ATP6V1G3: variants seen among roughly 807,000 people sequenced by gnomAD.
The protein encoded by ATP6V1G3 is V-type proton ATPase subunit G 3.
A neutral mutation model predicts 9.3 loss-of-function variants in ATP6V1G3; 9 were observed. The ratio of observed to expected loss-of-function variants is 0.97; its 90% confidence interval spans 0.59 to 1.69. The LOEUF is 1.69. ATP6V1G3 is among the 40% of genes most tolerant of loss of function. The pLI, the probability that ATP6V1G3 is intolerant of heterozygous loss-of-function variation, is 0.00. For synonymous variants in ATP6V1G3, 43 were observed against 43.8 expected (o/e 0.98, Z 0.07); for missense variants, 133 against 139.0 (o/e 0.96, Z 0.22).
chr1:198,529,253 A>G (rs1170081328), intron 1 of ATP6V1G3, 72 bp from the exon 2 acceptor site: 1 of 345,400 alleles, frequency 2.9e-6, no homozygotes, highest in Non-Finnish European at 4.4e-6. Context: ...TATTATATAT[A>G]TCTCAACAAG....
At chr1:198,523,792 C>G (rs894518181) in intron 2 of ATP6V1G3, among the ~76,000 whole-genome samples, 1 of 152,186 alleles carries the variant, frequency 6.6e-6, no homozygotes, top group Non-Finnish European at 1.5e-5. Flanking sequence ...TAACCAACCT[C>G]CACATGGTAC....
intron 1 of ATP6V1G3, among the ~76,000 whole-genome samples, chr1:198,533,757 A>C (rs1273731895): frequency 6.6e-6 from 1 of 152,156 alleles, no homozygotes; most frequent in African/African-American, 2.4e-5. Context: ...TAACCAAGAG[A>C]ACAGGTCCAA....
chr1:198,536,635 T>C (rs761866119), intron 1 of ATP6V1G3: 1 of 1,490,614 alleles, frequency 6.7e-7, no homozygotes, highest in Non-Finnish European at 9.3e-7. Context: ...TAACCTGTAA[T>C]CAGTGAATAC....
intron 1 of ATP6V1G3, among the ~76,000 whole-genome samples, chr1:198,530,822 C>CATTTT (rs1558178814): frequency 6.6e-6 from 1 of 152,018 alleles, no homozygotes; most frequent in Non-Finnish European, 1.5e-5. Context: ...TTTCTTCTAT[C>CATTTT]TGTTTGTCAT....
intron 1 of ATP6V1G3, among the ~76,000 whole-genome samples, chr1:198,540,045 C>A (rs2103148424): frequency 1.3e-5 from 2 of 151,678 alleles, no homozygotes; most frequent in Middle Eastern, 6.8e-3. Context: ...ATAGTGAGAC[C>A]CTCATCTCTT....
intron 2 of ATP6V1G3, among the ~76,000 whole-genome samples, chr1:198,525,118 A>G (rs1175486637): frequency 6.6e-6 from 1 of 152,236 alleles, no homozygotes; most frequent in Non-Finnish European, 1.5e-5. Flanking sequence ...TACAAGAAGC[A>G]GAAACATATG....
intron 1 of ATP6V1G3, among the ~76,000 whole-genome samples, chr1:198,530,230 A>G (rs1408907687): frequency 6.6e-6 from 1 of 152,072 alleles, no homozygotes; most frequent in Non-Finnish European, 1.5e-5. Context: ...AGTATTGTTT[A>G]CAATTTCTGT....
At chr1:198,523,672 C>T in intron 2 of ATP6V1G3, 108 bp from the exon 3 acceptor site, 1 of 1,018,748 alleles carries the variant, frequency 9.8e-7, no homozygotes, top group Non-Finnish European at 1.4e-6. Context: ...CAATTATGTA[C>T]TCCTTTTCTA....
intron 2 of ATP6V1G3, among the ~76,000 whole-genome samples, chr1:198,525,195 C>T (rs960309312): frequency 1.3e-5 from 2 of 152,096 alleles, no homozygotes; most frequent in Non-Finnish European, 2.9e-5. Flanking sequence ...AATGGCTCTA[C>T]CAAGCTCAAA....
intron 1 of ATP6V1G3, among the ~76,000 whole-genome samples, chr1:198,532,994 A>C (rs536527268): frequency 6.6e-6 from 1 of 152,234 alleles, no homozygotes; most frequent in African/African-American, 2.4e-5. Context: ...GGCATGACAT[A>C]ATACTACTTG....
At chr1:198,532,614 A>G (rs1659948658) in intron 1 of ATP6V1G3, among the ~76,000 whole-genome samples, 1 of 152,170 alleles carries the variant, frequency 6.6e-6, no homozygotes, top group Admixed American at 6.5e-5. Context: ...AGGGGTAAAG[A>G]AAGATGGTGG....
At position 198,529,152 on chromosome 1, in the gene ATP6V1G3, C is replaced by A; in HGVS notation, c.112G>T (p.Glu38Ter). ...RKGKRLKQAKEEAMVEIDQYR... is the reference protein window; with the variant it reads ...RKGKRLKQAK ...TGGTCAATTTCTACCATTGCTTCCT[C>A]CTTGGCTTGCTTCAATCGCTTTCCT... Residue 38 changes from glutamate (E) to a stop codon, truncating the protein, a stop_gained, in exon 2 of 3, where the codon GAG becomes TAG. Coordinates refer to ENST00000367382, the MANE Select transcript of ATP6V1G3 (RefSeq NM_001376861.1). LOFTEE classifies it high-confidence loss of function. 7.0e-7 allele frequency: 1 copy of A among 1,433,372 alleles called. No individual in the cohort carries two copies. 88.8% of individuals were successfully genotyped at this position (1,433,372 alleles called of 1,614,324 possible). A position where few individuals can be genotyped will look rare whatever the true frequency, so the allele number is the denominator to read the frequency against.
In ATP6V1G3 at chr1:198,529,193, CAAATAT is replaced by C. The variant is rs2103133851; in HGVS notation, c.83-18_83-13del. 1 of 669,832 alleles carries C rather than the reference CAAATAT, an allele frequency of 1.5e-6. No homozygotes were observed. The highest frequency in any genetic ancestry group is 2.1e-6 in the Non-Finnish European group (1 of 465,382). The allele number at this position is 669,832 out of a possible 1,614,324, so 41.5% of individuals were successfully genotyped here. On this transcript the variant is annotated splice_polypyrimidine_tract_variant and intron_variant, in intron 1 of 2. Coordinates refer to ENST00000367382, the MANE Select transcript of ATP6V1G3 (RefSeq NM_001376861.1). ...TCGCTTTCCTTTTCCTGAAAATTAA[CAAATAT>C]ATATATATATATATATAATTATATA...
In ATP6V1G3 at chr1:198,540,573, C is replaced by G. The variant is rs1236657850; in HGVS notation, c.78G>C (p.Lys26Asn). Residue 26 changes from lysine (K) to asparagine (N), a missense_variant, in exon 1 of 3, where the codon AAG becomes AAC. Transcript: ENST00000367382. The part of the protein sequence containing the change: ...KRAKDKLEEA[K>N]KRKGKRLKQA... ...CCCCTCACAGGTGAGACTTACTCTTCTTGGCTTCCTCTAGCTTGTCCTTGG... is the reference window on the plus strand; with the variant it reads ...CCCCTCACAGGTGAGACTTACTCTTGTTGGCTTCCTCTAGCTTGTCCTTGG... The G allele has an allele frequency of 6.2e-7, 1 of 1,613,830 alleles. No homozygotes were observed. Among genetic ancestry groups the G allele is most frequent in the Admixed American group, 1.7e-5 (1 of 59,992 alleles).
Position 198,529,196 on chromosome 1 carries a change from ATATATATATATATATATATAAT to A in ATP6V1G3, c.83-37_83-16del. Reference sequence around the variant, plus strand: ...CTTTCCTTTTCCTGAAAATTAACAAATATATATATATATATATATAATTATATATATCAATATATAAATATTT... The same window carrying A: ...CTTTCCTTTTCCTGAAAATTAACAAATATATATATCAATATATAAATATTT... On this transcript the variant is annotated splice_polypyrimidine_tract_variant and intron_variant, in intron 1 of 2. Coordinates refer to ENST00000367382, the MANE Select transcript of ATP6V1G3 (RefSeq NM_001376861.1). The A allele has an allele frequency of 5.0e-6, 1 of 201,828 alleles. No individual in the cohort carries two copies. The allele number at this position is 201,828 out of a possible 1,614,324, so 12.5% of individuals were successfully genotyped here.
intron 2 of ATP6V1G3, among the ~76,000 whole-genome samples, chr1:198,527,219 C>T (rs1190560831): frequency 6.6e-6 from 1 of 152,028 alleles, no homozygotes; most frequent in African/African-American, 2.4e-5. Context: ...GGAGGTCATG[C>T]CAAGGAGAGA....
intron 2 of ATP6V1G3, among the ~76,000 whole-genome samples, chr1:198,527,673 T>C (rs1659709835): frequency 1.3e-5 from 2 of 152,152 alleles, no homozygotes; most frequent in Admixed American, 1.3e-4. Flanking sequence ...AACAAATATT[T>C]ATTGCATGTC....
At chr1:198,529,951 G>C (rs1314250411) in intron 1 of ATP6V1G3, among the ~76,000 whole-genome samples, 2 of 152,072 alleles carry the variant, frequency 1.3e-5, no homozygotes, top group East Asian at 1.9e-4. Flanking sequence ...ATACAATGCT[G>C]TGGTAATCAT....
intron 1 of ATP6V1G3, among the ~76,000 whole-genome samples, chr1:198,531,240 G>C (rs1659887091): frequency 6.6e-6 from 1 of 152,146 alleles, no homozygotes; most frequent in Non-Finnish European, 1.5e-5. Flanking sequence ...TGCTGTGTAA[G>C]AGCCTGCATA....
Sources: gnomAD v4.1 joint callset for allele counts (sites outside exome capture counted in the v4.1 genomes callset) on GRCh38, gnomAD v4.1.1 for gene constraint, MANE v1.5 for transcripts, NCBI Gene and HGNC (gene_info 2026-07-23, HGNC 2026-07-21) for gene names.